Variants in TSHZ2 observed in about 807,000 individuals in gnomAD.
TSHZ2 encodes the protein teashirt homolog 2.
TSHZ2 carries 21 observed loss-of-function variants against 74.4 expected under a neutral mutation model. That is an observed-to-expected ratio of 0.28 (90% CI 0.20 to 0.41). The LOEUF is 0.41. Ranked by LOEUF, TSHZ2 falls within the 10% of genes least tolerant of loss-of-function variation. TSHZ2 has a pLI of 1.00. For missense variants in TSHZ2, 1,244 were observed against 1,293.5 expected, an observed-to-expected ratio of 0.96 and a Z score of 0.59; for synonymous variants, 540 against 515.3, an observed-to-expected ratio of 1.05 and a Z score of -0.65.
intron 1 of TSHZ2, among the ~76,000 whole-genome samples, chr20:53,057,489 TTATG>T (rs1243944939): frequency 1.3e-5 from 2 of 152,164 alleles, no homozygotes; most frequent in African/African-American, 4.8e-5. Flanking sequence ...ACTTGCCAGG[TTATG>T]TATGTTTTTT....
At chr20:53,206,367 A>T (rs1989167909) in intron 1 of TSHZ2, among the ~76,000 whole-genome samples, 2 of 152,228 alleles carry the variant, frequency 1.3e-5, no homozygotes, top group Admixed American at 1.3e-4. Context: ...AGCCATTATT[A>T]CTAAATAATA....
intron 1 of TSHZ2, chr20:53,185,697 G>T: frequency 6.5e-7 from 1 of 1,536,082 alleles, no homozygotes; most frequent in Non-Finnish European, 8.7e-7. Context: ...TTACCCACTT[G>T]CTGCTAGAAA....
intron 1 of TSHZ2, among the ~76,000 whole-genome samples, chr20:53,098,985 G>T (rs1229196751): frequency 1.3e-5 from 2 of 152,178 alleles, no homozygotes; most frequent in Non-Finnish European, 2.9e-5. Flanking sequence ...GTCTTAGCGT[G>T]ATTCCATTGC....
At chr20:53,004,606 G>A (rs1412196240) in intron 1 of TSHZ2, among the ~76,000 whole-genome samples, 4 of 152,150 alleles carry the variant, frequency 2.6e-5, no homozygotes, top group Admixed American at 2.0e-4. Flanking sequence ...AATGCTGGAA[G>A]AGGAAGCCAC....
intron 2 of TSHZ2, among the ~76,000 whole-genome samples, chr20:53,318,618 C>T (rs1979121853): frequency 1.3e-5 from 2 of 152,168 alleles, no homozygotes; most frequent in South Asian, 4.1e-4. Context: ...TGGGCAGGAA[C>T]ACAATGTAGC....
chr20:53,026,286 C>T (rs1983442063), intron 1 of TSHZ2, among the ~76,000 whole-genome samples: 1 of 152,032 alleles, frequency 6.6e-6, no homozygotes, highest in Non-Finnish European at 1.5e-5. Context: ...GTCAGGCCAC[C>T]TCTGGCCCCA....
intron 1 of TSHZ2, among the ~76,000 whole-genome samples, chr20:53,039,103 C>A (rs1354660194): frequency 6.8e-6 from 1 of 146,770 alleles, no homozygotes; most frequent in Non-Finnish European, 1.5e-5. Context: ...TCAGGCTGGT[C>A]TCGAACTTCC....
chr20:53,469,045 T>TTATATATATATATGTATATA (rs1985656360), intron 2 of TSHZ2, among the ~76,000 whole-genome samples: 1 of 49,112 alleles, frequency 2.0e-5, no homozygotes, highest in Non-Finnish European at 4.2e-5. Flanking sequence ...AATCGATATT[T>TTATATATATATATGTATATA]TATATATATA....
chr20:53,119,216 C>CA (rs1361850957), intron 1 of TSHZ2, among the ~76,000 whole-genome samples: 3 of 151,936 alleles, frequency 2.0e-5, no homozygotes, highest in African/African-American at 7.3e-5. Flanking sequence ...CTCCCTCTGC[C>CA]AAAAAAGATC....
chr20:53,330,665 A>G (rs1385402837), intron 2 of TSHZ2, among the ~76,000 whole-genome samples: 2 of 152,154 alleles, frequency 1.3e-5, no homozygotes, highest in Non-Finnish European at 2.9e-5. Flanking sequence ...CTGCATCCCC[A>G]TCATCTTGAC....
At chr20:53,104,331 AAG>A (rs1422858665) in intron 1 of TSHZ2, among the ~76,000 whole-genome samples, 1 of 152,200 alleles carries the variant, frequency 6.6e-6, no homozygotes. Context: ...GGAGTGGCGA[AAG>A]AGAGGAAGAA....
intron 1 of TSHZ2, among the ~76,000 whole-genome samples, chr20:53,040,275 A>T (rs1256826522): frequency 6.6e-6 from 1 of 152,156 alleles, no homozygotes. Flanking sequence ...AGGAAGAAGC[A>T]CAAAAGTCCT....
chr20:53,385,813 G>T (rs1412169651), intron 2 of TSHZ2, among the ~76,000 whole-genome samples: 1 of 152,048 alleles, frequency 6.6e-6, no homozygotes, highest in African/African-American at 2.4e-5. Context: ...GCAAGAAGGA[G>T]CCTGGAACTT....
At chr20:53,153,253 G>A (rs1342349666) in intron 1 of TSHZ2, among the ~76,000 whole-genome samples, 2 of 152,176 alleles carry the variant, frequency 1.3e-5, no homozygotes, top group Admixed American at 1.3e-4. Flanking sequence ...CCCAGCCTGG[G>A]ATTCTATCAG....
At chr20:53,297,308 T>A (rs1025857183) in intron 2 of TSHZ2, among the ~76,000 whole-genome samples, 1 of 147,102 alleles carries the variant, frequency 6.8e-6, no homozygotes, top group African/African-American at 2.5e-5. Context: ...TTGAGTGCAG[T>A]GATGCAATCA....
At chr20:53,178,002 T>A (rs1988385729) in intron 1 of TSHZ2, 1 of 152,252 alleles carries the variant, frequency 6.6e-6, no homozygotes, top group African/African-American at 2.4e-5. Context: ...GTTACCTGGC[T>A]CCCCGTTAGC....
At chr20:53,083,241 G>A (rs1379376867) in intron 1 of TSHZ2, among the ~76,000 whole-genome samples, 1 of 152,206 alleles carries the variant, frequency 6.6e-6, no homozygotes, top group Admixed American at 6.5e-5. Context: ...ATCACACCAT[G>A]CCTTTGAGTT....
At chr20:53,370,385 T>C (rs766139676) in intron 2 of TSHZ2, among the ~76,000 whole-genome samples, 1 of 152,146 alleles carries the variant, frequency 6.6e-6, no homozygotes, top group South Asian at 2.1e-4. Context: ...CATCTCCGCC[T>C]CAAATTTTTC....
intron 1 of TSHZ2, among the ~76,000 whole-genome samples, chr20:53,154,108 A>C (rs1227787741): frequency 6.6e-6 from 1 of 152,262 alleles, no homozygotes; most frequent in Non-Finnish European, 1.5e-5. Flanking sequence ...AGAGCTTCGC[A>C]GTCACATGGC....
Sources: allele counts gnomAD v4.1 joint callset (sites outside exome capture counted in the v4.1 genomes callset), GRCh38; gene constraint gnomAD v4.1.1; transcripts MANE v1.5; gene names NCBI Gene and HGNC (gene_info 2026-07-23, HGNC 2026-07-21).